Variants in BNIP5 observed in about 807,000 individuals in gnomAD.
The protein encoded by BNIP5 is BCL2 interacting protein 5.
BNIP5 carries 61 observed loss-of-function variants against 67.3 expected under a neutral mutation model. That is an observed-to-expected ratio of 0.91 (90% confidence interval 0.74 to 1.12). The LOEUF (loss-of-function observed/expected upper bound fraction) is 1.12, where lower values mean the gene tolerates loss of function less well. BNIP5 is among the 50% of genes most tolerant of loss of function. The pLI is 0.00. For missense variants in BNIP5, 826 were observed against 816.3 expected, an observed-to-expected ratio of 1.01 and a Z score of -0.14; for synonymous variants, 317 against 319.0, an observed-to-expected ratio of 0.99 and a Z score of 0.07.
chr6:36,334,522 C>A (rs138007529), intron 1 of BNIP5, among the ~76,000 whole-genome samples: 26 of 152,256 alleles, frequency 1.7e-4, no homozygotes, highest in Middle Eastern at 3.4e-3. Flanking sequence ...CCCTCTCCCC[C>A]GCTCCAACTG....
At position 36,318,894 on chromosome 6, in the gene BNIP5, G is replaced by A. The variant is rs58667445; in HGVS notation, c.1923+462C>T. On this transcript the variant is annotated intron_variant, in intron 11 of 11. Coordinates refer to ENST00000437635, the MANE Select transcript of BNIP5 (RefSeq NM_001010903.5). ...GTCAGTGAGTGATCGCCTCCTGGAA[G>A]CCTTCCAGAACCAACAGCCCATGGA... 4.6e-5 allele frequency among the ~76,000 whole-genome samples: 7 copies of A among 152,298 alleles called. No individual in the cohort carries two copies. The East Asian group carries it at 1.3e-3, about 29-fold the overall frequency.
intron 8 of BNIP5, among the ~76,000 whole-genome samples, 187 bp from the exon 9 acceptor site, chr6:36,322,629 C>G (rs528207812): frequency 6.6e-6 from 1 of 152,262 alleles, no homozygotes; most frequent in Admixed American, 6.5e-5. Flanking sequence ...ACCTAACTTT[C>G]GCCCACCAAC....
Position 36,319,526 on chromosome 6 carries a change from G to T in BNIP5, c.1753C>A (p.Gln585Lys). Residue 585 changes from glutamine to lysine, a missense_variant, in exon 11 of 12, where the codon CAG becomes AAG. Gln to Lys is a moderately conservative substitution (Grantham distance 53). Coordinates refer to ENST00000437635, the MANE Select transcript of BNIP5 (RefSeq NM_001010903.5). Reference sequence around the variant, plus strand: ...TCCAGCTTAGAGGAGTGAGCCACCTGGCTGCGCAGGGTGGCTACCAGCTTG... The same window carrying T: ...TCCAGCTTAGAGGAGTGAGCCACCTTGCTGCGCAGGGTGGCTACCAGCTTG... ...LSKLVATLRSQVAHSSKLDRN... is the reference protein window; with the variant it reads ...LSKLVATLRSKVAHSSKLDRN... The T allele has an allele frequency of 6.2e-7, 1 of 1,614,070 alleles. No individual in the cohort carries two copies. The highest frequency in any genetic ancestry group is 1.1e-5 in the South Asian group (1 of 91,076).
chr6:36,317,920 C>T (rs1771554764), intron 11 of BNIP5, among the ~76,000 whole-genome samples: 1 of 152,144 alleles, frequency 6.6e-6, no homozygotes, highest in South Asian at 2.1e-4. Context: ...TAACTCAGAT[C>T]GATCTGTAAG....
Position 36,324,169 on chromosome 6 carries a change from A to G in BNIP5, c.1190T>C (p.Ile397Thr). 1 of 1,613,966 alleles carries G rather than the reference A, an allele frequency of 6.2e-7. No homozygotes were observed. Among genetic ancestry groups the G allele is most frequent in the Non-Finnish European group, 8.5e-7 (1 of 1,179,888 alleles). The change falls in exon 7 of 12, where the codon ATT (isoleucine) becomes ACT (threonine). Residue 397 changes from isoleucine (I) to threonine (T), a missense_variant. By Grantham distance (89) the Ile-to-Thr change is moderately conservative. Coordinates refer to ENST00000437635, the MANE Select transcript of BNIP5 (RefSeq NM_001010903.5). ...SEYKEFIQKI[I>T]SMLQDAEEQQ... Reference sequence around the variant, plus strand: ...TTCTTCTGCATCTTGGAGCATGGAAATGATCTTCTGAATGAATTCTTCTGA... The same window carrying G: ...TTCTTCTGCATCTTGGAGCATGGAAGTGATCTTCTGAATGAATTCTTCTGA...
Position 36,316,517 on chromosome 6 carries a change from G to T in BNIP5, c.*839C>A, listed in dbSNP as rs936942235. 6 of 398,520 alleles carry T rather than the reference G, an allele frequency of 1.5e-5. No homozygotes were observed. The highest frequency in any genetic ancestry group is 2.2e-5 in the Non-Finnish European group (5 of 226,076). The allele number at this position is 398,520 out of a possible 1,614,324, so 24.7% of individuals were successfully genotyped here. On this transcript the variant is annotated 3_prime_UTR_variant, in exon 12 of 12. Coordinates refer to ENST00000437635, the MANE Select transcript of BNIP5 (RefSeq NM_001010903.5). The stretch of plus-strand genomic sequence containing the variant: ...GTCTAGGACATGAATAGTACCTCCT[G>T]GAGTATGGTGCTCTTGAGCAGTGCA...
intron 1 of BNIP5, among the ~76,000 whole-genome samples, chr6:36,335,125 C>T (rs1771985252): frequency 6.6e-6 from 1 of 152,180 alleles, no homozygotes; most frequent in Non-Finnish European, 1.5e-5. Flanking sequence ...ACAAAGCTGA[C>T]CCTGGAACGG....
chr6:36,317,893 A>G (rs1771554075), intron 11 of BNIP5, among the ~76,000 whole-genome samples: 1 of 152,226 alleles, frequency 6.6e-6, no homozygotes, highest in African/African-American at 2.4e-5. Context: ...TGATGTTTCT[A>G]TAATATCTTT....
chr6:36,321,104 T>TCTCA (rs1554141176), intron 10 of BNIP5, 51 bp downstream of exon 10: 3 of 1,318,462 alleles, frequency 2.3e-6, no homozygotes, highest in Non-Finnish European at 3.2e-6. Flanking sequence ...GGAACCCAGG[T>TCTCA]GGGTAGATGA....
intron 4 of BNIP5, 34 bp from the exon 5 acceptor site, chr6:36,326,787 A>G (rs1401599083): frequency 6.2e-7 from 1 of 1,612,116 alleles, no homozygotes; most frequent in Admixed American, 1.7e-5. Flanking sequence ...GGTCAGGTTC[A>G]TGACACTGAG....
chr6:36,319,461 G>T lies in BNIP5; in HGVS notation c.1818C>A (p.Ser606Arg). 8 of 1,614,216 alleles carry T rather than the reference G, an allele frequency of 5.0e-6. No individual in the cohort carries two copies. Among genetic ancestry groups the T allele is most frequent in the Non-Finnish European group, 5.9e-6 (7 of 1,180,040 alleles). The change falls in exon 11 of 12, where the codon AGC (serine) becomes AGA (arginine). Residue 606 changes from serine (S) to arginine (R), a missense_variant. Transcript: ENST00000437635. The stretch of plus-strand genomic sequence containing the variant: ...TGCTGCCAGCAAATTTGTTAGCTAA[G>T]CTAACGTCAAACTGGTAGAGTCTCC... ...RARRLYQFDV[S>R]LANKFAGSNS...
chr6:36,331,056 G>A (rs898871859), intron 1 of BNIP5, among the ~76,000 whole-genome samples: 25 of 152,066 alleles, frequency 1.6e-4, no homozygotes, highest in African/African-American at 2.9e-4. Context: ...GAGCCACCTC[G>A]CCCGGCCAAA....
intron 1 of BNIP5, among the ~76,000 whole-genome samples, chr6:36,335,666 G>A (rs12529558): frequency 0.066 from 10,017 of 152,222 alleles, 462 homozygotes; most frequent in Non-Finnish European, 0.094. Context: ...GCAGCCACAC[G>A]GCGTCCAGAG....
At chr6:36,330,954 G>A (rs1190525479) in intron 1 of BNIP5, among the ~76,000 whole-genome samples, 1 of 152,184 alleles carries the variant, frequency 6.6e-6, no homozygotes, top group Non-Finnish European at 1.5e-5. Flanking sequence ...AGTAGAGATG[G>A]GGTTTCACCG....
At position 36,325,895 on chromosome 6, in the gene BNIP5, C is replaced by T. The variant is rs138907946; in HGVS notation, c.1037-481G>A. On this transcript the variant is annotated intron_variant, in intron 5 of 11. Transcript: ENST00000437635. ...AAGAAATGACTTGTCTGATCCTTTC[C>T]GCCTCTAGCTCTGGCCCCATCATCC... Among the ~76,000 whole-genome samples, 14 of 152,310 alleles carry T rather than the reference C, an allele frequency of 9.2e-5. No individual in the cohort carries two copies. The East Asian group carries it at 2.5e-3, about 27-fold the overall frequency.
intron 1 of BNIP5, among the ~76,000 whole-genome samples, chr6:36,336,415 G>A (rs1772017633): frequency 6.6e-6 from 1 of 152,176 alleles, no homozygotes; most frequent in Non-Finnish European, 1.5e-5. Context: ...TGCTCAGGGT[G>A]GCGGCTAATA....
intron 9 of BNIP5, 143 bp downstream of exon 9, chr6:36,322,168 G>A: frequency 1.9e-6 from 2 of 1,030,346 alleles, no homozygotes; most frequent in Admixed American, 1.8e-5. Flanking sequence ...TGTGCCCCCT[G>A]CCCCATCCTA....
Position 36,319,444 on chromosome 6 carries a change from G to A in BNIP5, c.1835C>T (p.Ala612Val), listed in dbSNP as rs1436965572. ...GCACATGGCATGGCTGTTGCTGCCA[G>A]CAAATTTGTTAGCTAAGCTAACGTC... The part of the protein sequence containing the change: ...QFDVSLANKF[A>V]GSNSHAMCIL... Residue 612 changes from alanine to valine, a missense_variant, in exon 11 of 12, where the codon GCT becomes GTT. Physicochemically the swap from Ala to Val is moderately conservative, Grantham distance 64. Transcript: ENST00000437635. 2.5e-6 allele frequency: 4 copies of A among 1,614,080 alleles called. No individual in the cohort carries two copies. Among genetic ancestry groups the A allele is most frequent in the Non-Finnish European group, 3.4e-6 (4 of 1,180,044 alleles).
At position 36,322,432 on chromosome 6, in the gene BNIP5, A is replaced by T; in HGVS notation, c.1482T>A (p.Asp494Glu). Reference sequence around the variant, plus strand: ...CGGGCAGGGGCTCCCGGCACTCGAGATCTTCTGGATCTAGGGCAAAAAAAG... The same window carrying T: ...CGGGCAGGGGCTCCCGGCACTCGAGTTCTTCTGGATCTAGGGCAAAAAAAG... The part of the protein sequence containing the change: ...PSTSSSLDPE[D>E]LECREPLPAE... Residue 494 changes from aspartate (D) to glutamate (E), a missense_variant, in exon 9 of 12, where the codon GAT becomes GAA. Asp to Glu is a conservative substitution (Grantham distance 45). Transcript: ENST00000437635. 5.0e-6 allele frequency: 8 copies of T among 1,613,530 alleles called. No individual in the cohort carries two copies. The highest frequency in any genetic ancestry group is 6.8e-6 in the Non-Finnish European group (8 of 1,179,780).
Sources: gnomAD v4.1 joint callset for allele counts (sites outside exome capture counted in the v4.1 genomes callset) on GRCh38, gnomAD v4.1.1 for gene constraint, MANE v1.5 for transcripts, NCBI Gene and HGNC (gene_info 2026-07-23, HGNC 2026-07-21) for gene names.